Variants in KCNQ5 observed in about 807,000 individuals in gnomAD.
The protein encoded by KCNQ5 is potassium voltage-gated channel subfamily Q member 5, also known as potassium voltage-gated channel subfamily KQT member 5.
KCNQ5 carries 30 observed loss-of-function variants against 98.2 expected under a neutral mutation model. The observed-to-expected ratio is 0.31, with a 90% CI of 0.23 to 0.41. KCNQ5 has a LOEUF of 0.41. Among genes scored for constraint, KCNQ5 ranks in the 10% least tolerant of loss-of-function variants. The probability of loss-of-function intolerance (pLI) is 1.00; values close to 1 mark genes in which losing one functional copy is unlikely to be tolerated. For missense variants in KCNQ5, 835 were observed against 1,182.5 expected (o/e 0.71, Z 4.31); for synonymous variants, 458 against 449.4 (o/e 1.02, Z -0.24).
chr6:72,957,136 T>C (rs1767117961), intron 1 of KCNQ5, among the ~76,000 whole-genome samples: 1 of 150,512 alleles, frequency 6.6e-6, no homozygotes, highest in African/African-American at 2.4e-5. Flanking sequence ...CCTAGAGCAG[T>C]AGATCTCACC....
chr6:73,002,732 A>C (rs1769640093), intron 1 of KCNQ5, among the ~76,000 whole-genome samples: 1 of 152,186 alleles, frequency 6.6e-6, no homozygotes, highest in South Asian at 2.1e-4. Flanking sequence ...CATAGCATGA[A>C]AGCAGCCATA....
intron 1 of KCNQ5, among the ~76,000 whole-genome samples, chr6:72,658,578 A>ATATATATTTTTTTT (rs1226386362): frequency 2.6e-5 from 2 of 76,380 alleles, no homozygotes; most frequent in African/African-American, 4.4e-5. Context: ...ATATATATAT[A>ATATATATTTTTTTT]TTTTTTTTTT....
At chr6:72,791,752 G>A (rs943571741) in intron 1 of KCNQ5, among the ~76,000 whole-genome samples, 5 of 152,198 alleles carry the variant, frequency 3.3e-5, no homozygotes, top group African/African-American at 9.7e-5. Context: ...CATGTCTAGT[G>A]AGGGCTTTCT....
At chr6:73,067,877 T>C (rs1317025628) in intron 3 of KCNQ5, among the ~76,000 whole-genome samples, 1 of 584 alleles carries the variant, frequency 1.7e-3, no homozygotes, top group African/African-American at 2.3e-3. Flanking sequence ...TATATATATA[T>C]ATATATATAT....
chr6:72,627,646 C>T (rs1363490827), intron 1 of KCNQ5, among the ~76,000 whole-genome samples: 2 of 151,954 alleles, frequency 1.3e-5, no homozygotes, highest in African/African-American at 4.8e-5. Context: ...GAAAATGGAC[C>T]CAGTAGTGTA....
chr6:72,937,003 A>T (rs1765954197), intron 1 of KCNQ5, among the ~76,000 whole-genome samples: 1 of 152,196 alleles, frequency 6.6e-6, no homozygotes, highest in Non-Finnish European at 1.5e-5. Flanking sequence ...CTGTAACTGG[A>T]GCTATATGCG....
intron 10 of KCNQ5, among the ~76,000 whole-genome samples, chr6:73,160,877 A>AT (rs34460514): frequency 7.3e-5 from 11 of 151,464 alleles, no homozygotes; most frequent in South Asian, 2.1e-4. Context: ...CATTATTGGG[A>AT]TTTTTTTTTT....
At chr6:72,765,447 G>T (rs987886803) in intron 1 of KCNQ5, among the ~76,000 whole-genome samples, 1 of 152,048 alleles carries the variant, frequency 6.6e-6, no homozygotes, top group Non-Finnish European at 1.5e-5. Flanking sequence ...TTTACACTGG[G>T]TGGTCAGGAA....
intron 10 of KCNQ5, chr6:73,133,877 AAT>A (rs1387828071): frequency 1.5e-6 from 1 of 655,996 alleles, no homozygotes; most frequent in Admixed American, 2.1e-5. Context: ...AAGCTGACAA[AAT>A]GTTGTTAATT....
At chr6:72,900,690 A>G (rs1779465763) in intron 1 of KCNQ5, among the ~76,000 whole-genome samples, 3 of 152,042 alleles carry the variant, frequency 2.0e-5, no homozygotes, top group South Asian at 4.2e-4. Flanking sequence ...TGCTGGATCA[A>G]ATAGTAGTTC....
rs774031694 is a variant in KCNQ5 at position 73,105,301 on chromosome 6, T to C, written c.963T>C (p.Thr321=). The change falls in exon 6 of 14, where the codon ACT becomes ACC. Residue 321 remains threonine (T), a synonymous_variant. Coordinates refer to ENST00000370398, the MANE Select transcript of KCNQ5 (RefSeq NM_019842.4). ...GCTATGGAGACAAAACTCCCCTAAC[T>C]TGGCTGGGAAGATTGCTTTCTGCAG... is the stretch of plus-strand genomic sequence containing the variant. ...TIGYGDKTPL[T]WLGRLLSAGF... is the part of the protein sequence containing the mutation. The C allele has an allele frequency of 6.2e-7, 1 of 1,612,300 alleles. No homozygotes were observed.
intron 1 of KCNQ5, among the ~76,000 whole-genome samples, chr6:72,894,506 A>C (rs1779171088): frequency 6.6e-6 from 1 of 152,190 alleles, no homozygotes; most frequent in African/African-American, 2.4e-5. Context: ...TTCTATTCTA[A>C]AAGCAAGAAA....
chr6:73,009,832 T>TA (rs574224794), intron 2 of KCNQ5, among the ~76,000 whole-genome samples: 80 of 152,038 alleles, frequency 5.3e-4, no homozygotes, highest in African/African-American at 1.7e-3. Context: ...CACAAAGAAA[T>TA]AGAAACCGAA....
In KCNQ5 at chr6:72,785,336, G is replaced by A. The variant is rs181855219; in HGVS notation, c.398+162749G>A. The stretch of plus-strand genomic sequence containing the variant: ...GGATTGTAACTGGAAAACATGACAA[G>A]GATAGGGAGTTAGTCAAGAACAGGA... On this transcript the variant is annotated intron_variant, in intron 1 of 13. Transcript: ENST00000370398. Among the ~76,000 whole-genome samples, 88 of 152,154 alleles carry A rather than the reference G, an allele frequency of 5.8e-4. No homozygotes were observed. In the East Asian group the frequency reaches 0.012, roughly 20 times the overall value.
chr6:72,772,954 A>C (rs372732071), intron 1 of KCNQ5, among the ~76,000 whole-genome samples: 1 of 152,154 alleles, frequency 6.6e-6, no homozygotes, highest in Non-Finnish European at 1.5e-5. Flanking sequence ...AGGAAATTTT[A>C]AAATTAAACT....
At chr6:72,624,175 G>A (rs935480808) in intron 1 of KCNQ5, among the ~76,000 whole-genome samples, 6 of 152,138 alleles carry the variant, frequency 3.9e-5, no homozygotes, top group Non-Finnish European at 8.8e-5. Context: ...ATGTGGTTAG[G>A]ATAATGATAG....
chr6:73,096,479 G>GAGCTGGGACTTTGTTCT (rs1259287260), intron 5 of KCNQ5, among the ~76,000 whole-genome samples: 3 of 152,044 alleles, frequency 2.0e-5, no homozygotes, highest in Admixed American at 2.0e-4. Flanking sequence ...GGCCATGGAG[G>GAGCTGGGACTTTGTTCT]AGCTGGGACT....
Position 72,622,393 on chromosome 6 carries a change from C to CGGT in KCNQ5, c.207_209dup (p.Gly74dup), listed in dbSNP as rs752447390. The CGGT allele has an allele frequency of 3.4e-6, 5 of 1,484,154 alleles. No individual in the cohort carries two copies. The East Asian group carries it at 1.0e-4, about 31-fold the overall frequency. 91.9% of individuals were successfully genotyped at this position (1,484,154 alleles called of 1,614,324 possible). The stretch of plus-strand genomic sequence containing the variant: ...TGCTGGGCACCCGCGCGGCCACGCT[C>CGGT]GGTGGCGGCGGCGGTGGCCTGAGGG... On this transcript the variant is annotated inframe_insertion, in exon 1 of 14. Transcript: ENST00000370398. This position sits in a 1 kb window ranked among gnomAD's most constrained non-coding sequence, Gnocchi z 6.0.
At chr6:72,826,511 C>A (rs1198075680) in intron 1 of KCNQ5, among the ~76,000 whole-genome samples, 1 of 151,976 alleles carries the variant, frequency 6.6e-6, no homozygotes, top group Non-Finnish European at 1.5e-5. Context: ...TAAATATATT[C>A]ATGCTTATGT....
Sources: allele counts gnomAD v4.1 joint callset (sites outside exome capture counted in the v4.1 genomes callset), GRCh38; gene constraint gnomAD v4.1.1; non-coding constraint Gnocchi (gnomAD v3.1); transcripts MANE v1.5; gene names NCBI Gene and HGNC (gene_info 2026-07-23, HGNC 2026-07-21).